ZNF554: variants seen among roughly 807,000 people sequenced by gnomAD.
ZNF554 encodes zinc finger protein 554.
In ZNF554, 15 loss-of-function variants were observed where a neutral mutation model predicts 21.2. The observed-to-expected ratio is 0.71, with a 90% CI of 0.47 to 1.09. The LOEUF (loss-of-function observed/expected upper bound fraction) is 1.09, where lower values mean the gene tolerates loss of function less well. Among genes scored for constraint, ZNF554 ranks in the 50% least tolerant of loss-of-function variants. The probability of loss-of-function intolerance (pLI) is 0.00; values close to 1 mark genes in which losing one functional copy is unlikely to be tolerated. For synonymous variants in ZNF554, 258 were observed against 251.4 expected, an observed-to-expected ratio of 1.03 and a Z score of -0.25; for missense variants, 691 against 662.7, an observed-to-expected ratio of 1.04 and a Z score of -0.47.
intron 2 of ZNF554, 70 bp from the exon 3 acceptor site, chr19:2,827,547 C>T (rs1249128925): frequency 1.2e-5 from 19 of 1,552,184 alleles, no homozygotes; most frequent in South Asian, 1.2e-5. Flanking sequence ...GTGCCACCAA[C>T]CTCACCCCTC....
In ZNF554 at chr19:2,821,935, T is replaced by A. The variant is rs1316211900; in HGVS notation, c.54-1105T>A. Reference sequence around the variant, plus strand: ...GCCTTGGCCTTTCAAAATGCTGGGATTACAGACGTGAGTCACCTAGTCCAG... The same window carrying A: ...GCCTTGGCCTTTCAAAATGCTGGGAATACAGACGTGAGTCACCTAGTCCAG... On this transcript the variant is annotated intron_variant, in intron 1 of 4. Coordinates refer to ENST00000317243, the MANE Select transcript of ZNF554 (RefSeq NM_001102651.2). The surrounding 1 kb of genome is among the most constrained non-coding windows in gnomAD (Gnocchi z 8.2). Among the ~76,000 whole-genome samples, 1 of 152,112 alleles carries A rather than the reference T, an allele frequency of 6.6e-6. No homozygotes were observed. Among genetic ancestry groups the A allele is most frequent in the Non-Finnish European group, 1.5e-5 (1 of 68,028 alleles).
chr19:2,827,189 T>C (rs2087347025), intron 2 of ZNF554, among the ~76,000 whole-genome samples: 2 of 152,198 alleles, frequency 1.3e-5, no homozygotes, highest in African/African-American at 4.8e-5. Context: ...AATTCTTCTT[T>C]CCATTGAACA....
chr19:2,829,096 T>C (rs367795512), intron 3 of ZNF554, among the ~76,000 whole-genome samples: 10 of 152,136 alleles, frequency 6.6e-5, no homozygotes, highest in Middle Eastern at 3.4e-3. Flanking sequence ...TGGTGGTTCA[T>C]GTCTGTAATC....
At position 2,821,551 on chromosome 19, in the gene ZNF554, C is replaced by T. The variant is rs1159961174; in HGVS notation, c.53+1427C>T. ...GGCGGGAGGATCTTCTCTGTCTCTT[C>T]CAGCTTCTGGGGGTGGCCTGCCATA... On this transcript the variant is annotated intron_variant, in intron 1 of 4. Coordinates refer to ENST00000317243, the MANE Select transcript of ZNF554 (RefSeq NM_001102651.2). The surrounding 1 kb of genome is among the most constrained non-coding windows in gnomAD (Gnocchi z 8.2). 6.6e-6 allele frequency among the ~76,000 whole-genome samples: 1 copy of T among 151,986 alleles called. No homozygotes were observed. Among genetic ancestry groups the T allele is most frequent in the Non-Finnish European group, 1.5e-5 (1 of 68,034 alleles).
At chr19:2,820,434 G>A (rs2087246991) in intron 1 of ZNF554, among the ~76,000 whole-genome samples, 2 of 152,244 alleles carry the variant, frequency 1.3e-5, no homozygotes, top group African/African-American at 4.8e-5. Context: ...GCACTGCAGT[G>A]AGGCCACATC....
chr19:2,820,619 G>A (rs1262216098), intron 1 of ZNF554, among the ~76,000 whole-genome samples: 2 of 150,226 alleles, frequency 1.3e-5, no homozygotes, highest in African/African-American at 4.9e-5. Flanking sequence ...TGTCCACAGC[G>A]CCCTGAGGGA....
rs746020922 is a variant in ZNF554 at position 2,834,063 on chromosome 19, T to C, written c.828T>C (p.Asn276=). 46 of 1,613,952 alleles carry C rather than the reference T, an allele frequency of 2.9e-5. No individual in the cohort carries two copies. The highest frequency in any genetic ancestry group is 3.7e-5 in the Non-Finnish European group (44 of 1,180,024). The change falls in exon 5 of 5, where the codon AAT becomes AAC. Residue 276 remains asparagine (N), a synonymous_variant. Coordinates refer to ENST00000317243, the MANE Select transcript of ZNF554 (RefSeq NM_001102651.2). ...GYADRRPCES[N]ECGNAIRQNS... is the part of the protein sequence containing the mutation. ...CAGATCGGAGACCTTGTGAAAGTAATGAATGTGGAAATGCCATCCGCCAGA... is the reference window on the plus strand; with the variant it reads ...CAGATCGGAGACCTTGTGAAAGTAACGAATGTGGAAATGCCATCCGCCAGA...
At position 2,834,116 on chromosome 19, in the gene ZNF554, A is replaced by G; in HGVS notation, c.881A>G (p.Lys294Arg). ...AGTCACTTTATTCAACACGGGGGGA[A>G]GATGTTTGTGTATTTGGAAAATGGG... is the stretch of plus-strand genomic sequence containing the variant. Reference protein sequence around the residue: ...QNSHFIQHGGKMFVYLENGQS... With the variant: ...QNSHFIQHGGRMFVYLENGQS... Residue 294 changes from lysine (K) to arginine (R), a missense_variant, in exon 5 of 5, where the codon AAG becomes AGG. Coordinates refer to ENST00000317243, the MANE Select transcript of ZNF554 (RefSeq NM_001102651.2). The G allele has an allele frequency of 3.1e-6, 5 of 1,613,958 alleles. No homozygotes were observed. The highest frequency in any genetic ancestry group is 4.5e-5 in the East Asian group (2 of 44,902).
Position 2,833,811 on chromosome 19 carries a change from C to T in ZNF554, c.576C>T (p.Ser192=), listed in dbSNP as rs758103105. 5 of 1,612,538 alleles carry T rather than the reference C, an allele frequency of 3.1e-6. No individual in the cohort carries two copies. In the South Asian group the frequency reaches 5.5e-5, roughly 18 times the overall value. ...EDGGWKQLED[S]HEDPQGLLSQ... is the part of the protein sequence containing the mutation. ...GGGGATGGAAGCAGTTAGAGGACAG[C>T]CATGAAGACCCCCAGGGGCTTTTGA... The change falls in exon 5 of 5, where the codon AGC becomes AGT. Residue 192 remains serine, a synonymous_variant. Coordinates refer to ENST00000317243, the MANE Select transcript of ZNF554 (RefSeq NM_001102651.2).
chr19:2,833,372 C>T (rs753061527), intron 4 of ZNF554: 23 of 193,644 alleles, frequency 1.2e-4, no homozygotes, highest in Middle Eastern at 2.1e-3. Context: ...GATCCACCTG[C>T]CTCGGCCTCC....
At chr19:2,830,627 A>T (rs1420338645) in intron 3 of ZNF554, 2 of 151,968 alleles carry the variant, frequency 1.3e-5, no homozygotes, top group African/African-American at 4.8e-5. Flanking sequence ...ACAGAGTCTC[A>T]CTTTGTTGCC....
chr19:2,828,101 A>G (rs2087360236), intron 3 of ZNF554, among the ~76,000 whole-genome samples: 1 of 152,204 alleles, frequency 6.6e-6, no homozygotes, highest in African/African-American at 2.4e-5. Context: ...CGTCGGGATT[A>G]TTACAATTCA....
At chr19:2,832,639 T>G in intron 4 of ZNF554, 145 bp downstream of exon 4, 1 of 747,560 alleles carries the variant, frequency 1.3e-6, no homozygotes, top group South Asian at 2.0e-5. Context: ...TTCTGGCAGC[T>G]TTCTCCTTCT....
intron 3 of ZNF554, chr19:2,831,094 A>G (rs1397487392): frequency 2.0e-5 from 3 of 152,030 alleles, no homozygotes; most frequent in African/African-American, 7.3e-5. Flanking sequence ...CAGCATGTAT[A>G]TTTTCCATTC....
At chr19:2,827,377 A>G (rs1418152743) in intron 2 of ZNF554, among the ~76,000 whole-genome samples, 2 of 152,166 alleles carry the variant, frequency 1.3e-5, no homozygotes, top group South Asian at 2.1e-4. Context: ...AATGGGCAAA[A>G]TGTTTCATCC....
intron 2 of ZNF554, among the ~76,000 whole-genome samples, chr19:2,823,659 G>A (rs1312261432): frequency 1.3e-5 from 2 of 152,144 alleles, no homozygotes; most frequent in Non-Finnish European, 2.9e-5. Flanking sequence ...CAGCAGGGAT[G>A]GTAGCTCTTC....
intron 2 of ZNF554, among the ~76,000 whole-genome samples, chr19:2,824,064 C>G (rs1296534087): frequency 6.6e-6 from 1 of 152,202 alleles, no homozygotes; most frequent in African/African-American, 2.4e-5. Flanking sequence ...AGAGGCCAGG[C>G]AGTGGGAGCA....
Position 2,834,002 on chromosome 19 carries a change from C to A in ZNF554, c.767C>A (p.Ser256Tyr). Residue 256 changes from serine (S) to tyrosine (Y), a missense_variant, in exon 5 of 5, where the codon TCC becomes TAC. Coordinates refer to ENST00000317243, the MANE Select transcript of ZNF554 (RefSeq NM_001102651.2). Reference sequence around the variant, plus strand: ...GAGTTAGATATTACAAGCTTGGCATCCGATTCAGTCTTAAACCACCATCAG... The same window carrying A: ...GAGTTAGATATTACAAGCTTGGCATACGATTCAGTCTTAAACCACCATCAG... ...GSELDITSLA[S>Y]DSVLNHHQLG... The A allele has an allele frequency of 6.2e-7, 1 of 1,614,108 alleles. No individual in the cohort carries two copies. The highest frequency in any genetic ancestry group is 8.5e-7 in the Non-Finnish European group (1 of 1,180,040).
rs899566813 is a variant in ZNF554 at position 2,834,027 on chromosome 19, G to T, written c.792G>T (p.Gln264His). 5 of 1,614,030 alleles carry T rather than the reference G, an allele frequency of 3.1e-6. No individual in the cohort carries two copies. Among genetic ancestry groups the T allele is most frequent in the Non-Finnish European group, 4.2e-6 (5 of 1,180,048 alleles). The change falls in exon 5 of 5, where the codon CAG becomes CAT. Residue 264 changes from glutamine to histidine, a missense_variant. By Grantham distance (24) the Gln-to-His change is conservative. Coordinates refer to ENST00000317243, the MANE Select transcript of ZNF554 (RefSeq NM_001102651.2). ...CCGATTCAGTCTTAAACCACCATCA[G>T]CTGGGATATGCAGATCGGAGACCTT... is the stretch of plus-strand genomic sequence containing the variant. The part of the protein sequence containing the change: ...LASDSVLNHH[Q>H]LGYADRRPCE...
Sources: allele counts gnomAD v4.1 joint callset (sites outside exome capture counted in the v4.1 genomes callset), GRCh38; gene constraint gnomAD v4.1.1; non-coding constraint Gnocchi (gnomAD v3.1); transcripts MANE v1.5; gene names NCBI Gene and HGNC (gene_info 2026-07-23, HGNC 2026-07-21).